CIRSR: variants seen among roughly 807,000 people sequenced by gnomAD.
CIRSR encodes corepressor of RBPJ and splicing regulator.
chr2:174,348,776 CT>C, the CIRSR span: 2 of 1,614,162 alleles, frequency 1.2e-6, no homozygotes, highest in African/African-American at 2.7e-5. Context: ...GGGTTCTGGA[CT>C]TTTTGTCAGA....
At chr2:174,393,382 G>A in the CIRSR span, among the ~76,000 whole-genome samples, 1 of 152,052 alleles carries the variant, frequency 6.6e-6, no homozygotes. Flanking sequence ...TCTTATTTTT[G>A]GTGAACAAAT....
the CIRSR span, among the ~76,000 whole-genome samples, chr2:174,360,984 T>C: frequency 2.0e-5 from 3 of 152,200 alleles, no homozygotes; most frequent in Non-Finnish European, 4.4e-5. Flanking sequence ...TTCAACTAAC[T>C]AGCTTCCTCT....
the CIRSR span, among the ~76,000 whole-genome samples, chr2:174,368,071 T>C: frequency 6.6e-6 from 1 of 152,000 alleles, no homozygotes; most frequent in Non-Finnish European, 1.5e-5. Flanking sequence ...TCAAAATATA[T>C]GAGGCAAAAA....
chr2:174,367,715 C>T, the CIRSR span, among the ~76,000 whole-genome samples: 432 of 137,260 alleles, frequency 3.1e-3, 4 homozygotes, highest in African/African-American at 0.012. Context: ...GCACTCCAGC[C>T]TGGGCAAGAG....
the CIRSR span, among the ~76,000 whole-genome samples, chr2:174,355,839 C>A: frequency 6.6e-6 from 1 of 152,082 alleles, no homozygotes; most frequent in South Asian, 2.1e-4. Flanking sequence ...ACAACTGACT[C>A]CACAATTATA....
the CIRSR span, chr2:174,370,112 A>G: frequency 7.7e-7 from 1 of 1,306,216 alleles, no homozygotes; most frequent in Non-Finnish European, 1.0e-6. Context: ...TGTAGAGCTG[A>G]GTTCAACGGC....
the CIRSR span, chr2:174,381,610 T>C: frequency 1.2e-5 from 10 of 853,218 alleles, no homozygotes; most frequent in Non-Finnish European, 1.1e-5. Context: ...TGTGCTGAGA[T>C]GGCACCACTG....
At chr2:174,349,119 T>G in the CIRSR span, 5 of 1,504,330 alleles carry the variant, frequency 3.3e-6, no homozygotes, top group South Asian at 3.9e-5. Flanking sequence ...CTTCTGAAAC[T>G]TTTTCTTTTT....
the CIRSR span, among the ~76,000 whole-genome samples, chr2:174,360,021 G>A: frequency 3.2e-3 from 486 of 152,238 alleles, 1 homozygote; most frequent in Middle Eastern, 0.021. Context: ...GAGAACACTC[G>A]GACACAGGAA....
At chr2:174,374,134 G>A in the CIRSR span, among the ~76,000 whole-genome samples, 1 of 152,114 alleles carries the variant, frequency 6.6e-6, no homozygotes, top group Non-Finnish European at 1.5e-5. Context: ...AAGCCCTTTC[G>A]GCCAGCTTTT....
the CIRSR span, among the ~76,000 whole-genome samples, chr2:174,354,466 A>T: frequency 2.1e-3 from 197 of 94,906 alleles, 1 homozygote; most frequent in Non-Finnish European, 2.3e-3. Context: ...TAATATATAA[A>T]ATATATATAA....
chr2:174,387,648 A>G, the CIRSR span: 1 of 1,545,580 alleles, frequency 6.5e-7, no homozygotes, highest in Non-Finnish European at 8.7e-7. Context: ...CATGAAATTG[A>G]TAATTCTAGA....
the CIRSR span, among the ~76,000 whole-genome samples, chr2:174,377,907 T>C: frequency 6.7e-6 from 1 of 148,314 alleles, no homozygotes; most frequent in Non-Finnish European, 1.5e-5. Flanking sequence ...TTGAACCCTA[T>C]AGCCTGAATC....
At chr2:174,349,509 G>A in the CIRSR span, among the ~76,000 whole-genome samples, 6 of 147,092 alleles carry the variant, frequency 4.1e-5, no homozygotes, top group East Asian at 1.0e-3. Context: ...AGGTTGCAGT[G>A]AGTCAAAATC....
the CIRSR span, among the ~76,000 whole-genome samples, chr2:174,362,052 C>T: frequency 6.6e-6 from 1 of 152,010 alleles, no homozygotes; most frequent in African/African-American, 2.4e-5. Flanking sequence ...AATCCCAGCA[C>T]TTTGGGAGGC....
the CIRSR span, among the ~76,000 whole-genome samples, chr2:174,382,205 A>G: frequency 6.6e-6 from 1 of 152,228 alleles, no homozygotes; most frequent in Non-Finnish European, 1.5e-5. Flanking sequence ...TTCCCACCAA[A>G]AAAAGAAAAG....
At chr2:174,390,242 G>A in the CIRSR span, among the ~76,000 whole-genome samples, 3 of 152,238 alleles carry the variant, frequency 2.0e-5, no homozygotes, top group East Asian at 5.8e-4. Flanking sequence ...GCTGCCCAAG[G>A]CTTTGGGAGC....
At chr2:174,377,690 G>C in the CIRSR span, among the ~76,000 whole-genome samples, 1 of 151,782 alleles carries the variant, frequency 6.6e-6, no homozygotes, top group African/African-American at 2.4e-5. Context: ...ATGGTGGTGT[G>C]TGTGTCGGTA....
chr2:174,364,904 C>T, the CIRSR span, among the ~76,000 whole-genome samples: 149,547 of 152,316 alleles, frequency 0.98, 73,489 homozygotes, highest in Middle Eastern at 1. Context: ...TCTGGAGATA[C>T]TTTCCCCACT....
Sources: allele counts gnomAD v4.1 joint callset (sites outside exome capture counted in the v4.1 genomes callset), GRCh38; gene constraint gnomAD v4.1.1; transcripts MANE v1.5; gene names NCBI Gene and HGNC (gene_info 2026-07-23, HGNC 2026-07-21).